The following BBX variants were observed in gnomAD, a reference collection of about 807,000 sequenced individuals.
BBX encodes BBX high mobility group box domain containing, also known as HMG box transcription factor BBX.
Under a neutral mutation model 100.2 loss-of-function variants are expected in BBX, and 30 were observed. The observed-to-expected ratio is 0.30, with a 90% CI of 0.22 to 0.41. The LOEUF is 0.41. Among genes scored for constraint, BBX ranks in the 10% least tolerant of loss-of-function variants. The probability of loss-of-function intolerance (pLI) is 1.00; values close to 1 mark genes in which losing one functional copy is unlikely to be tolerated. For synonymous variants in BBX, 376 were observed against 388.1 expected (o/e 0.97, Z 0.37); for missense variants, 1,023 against 1,129.8 (o/e 0.91, Z 1.35).
chr3:107,591,782 CAGTAA>C (rs2053334441), intron 2 of BBX, among the ~76,000 whole-genome samples: 1 of 152,184 alleles, frequency 6.6e-6, no homozygotes. Context: ...GCTGCCCGGC[CAGTAA>C]ATGTTACATC....
chr3:107,729,037 G>A (rs1446647995), intron 6 of BBX, 77 bp downstream of exon 6: 2 of 1,452,486 alleles, frequency 1.4e-6, no homozygotes, highest in African/African-American at 1.4e-5. Context: ...ACAATACTGA[G>A]GGCGGGGGGA....
At chr3:107,585,206 C>G (rs185038512) in intron 2 of BBX, among the ~76,000 whole-genome samples, 1 of 151,844 alleles carries the variant, frequency 6.6e-6, no homozygotes, top group Admixed American at 6.6e-5. Flanking sequence ...TAGGCCATTG[C>G]GATGATGTGG....
intron 2 of BBX, among the ~76,000 whole-genome samples, chr3:107,571,643 G>A (rs1194714778): frequency 6.6e-6 from 1 of 152,234 alleles, no homozygotes; most frequent in Non-Finnish European, 1.5e-5. Flanking sequence ...TCTCCCCACA[G>A]AGTGAGGGCG....
intron 2 of BBX, among the ~76,000 whole-genome samples, chr3:107,541,666 C>A (rs1019770892): frequency 1.3e-5 from 2 of 151,900 alleles, no homozygotes; most frequent in East Asian, 1.9e-4. Flanking sequence ...GTTAATCCCC[C>A]CCCCATGAGA....
At chr3:107,630,784 G>C (rs1234191338) in intron 2 of BBX, among the ~76,000 whole-genome samples, 1 of 152,176 alleles carries the variant, frequency 6.6e-6, no homozygotes, top group Non-Finnish European at 1.5e-5. Flanking sequence ...GGATTAGCTT[G>C]CCCAGAGAGC....
chr3:107,757,766 A>G (rs1011221714), intron 10 of BBX, among the ~76,000 whole-genome samples: 4 of 152,202 alleles, frequency 2.6e-5, no homozygotes, highest in African/African-American at 9.6e-5. Context: ...TTCACAAAAT[A>G]TAACGTTTAA....
chr3:107,660,142 A>G (rs62262004), intron 3 of BBX, among the ~76,000 whole-genome samples: 19,071 of 152,136 alleles, frequency 0.13, 1,438 homozygotes, highest in Middle Eastern at 0.18. Context: ...TGTGTGTGAT[A>G]TATATAGTAT....
intron 4 of BBX, chr3:107,711,316 TCTCGTCCTTTCCTCTTGC>T (rs1412782807): frequency 2.1e-6 from 1 of 471,054 alleles, no homozygotes; most frequent in African/African-American, 2.0e-5. Flanking sequence ...GCCTTGCCTG[TCTCGTCCTTTCCTCTTGC>T]CTCAGAAATG....
intron 3 of BBX, chr3:107,677,317 A>G (rs536579709): frequency 6.6e-6 from 1 of 152,240 alleles, no homozygotes; most frequent in East Asian, 1.9e-4. Flanking sequence ...TGTGGCAGAG[A>G]TACAGATTAT....
At position 107,744,642 on chromosome 3, in the gene BBX, A is replaced by C. The variant is rs560335528; in HGVS notation, c.682A>C (p.Thr228Pro). 9.6e-5 allele frequency: 155 copies of C among 1,613,046 alleles called. 1 individual carries two copies. The South Asian group carries it at 1.6e-3, about 17-fold the overall frequency. Residue 228 changes from threonine to proline, a missense_variant, in exon 8 of 18, where the codon ACA becomes CCA. Physicochemically the swap from Thr to Pro is conservative, Grantham distance 38. Transcript: ENST00000325805. ...ALGTPEVSSG[T>P]CRPDVSESPE... Reference sequence around the variant, plus strand: ...TTCTTTGTTTCAGGTATCCTCTGGCACATGCAGGCCTGATGTTTCAGAATC... The same window carrying C: ...TTCTTTGTTTCAGGTATCCTCTGGCCCATGCAGGCCTGATGTTTCAGAATC...
At chr3:107,730,217 A>G (rs1450130203) in intron 6 of BBX, among the ~76,000 whole-genome samples, 5 of 152,240 alleles carry the variant, frequency 3.3e-5, no homozygotes, top group Admixed American at 2.6e-4. Flanking sequence ...TCCCAGAAGA[A>G]TCAGACATAG....
intron 2 of BBX, among the ~76,000 whole-genome samples, chr3:107,614,896 T>TA (rs1368921573): frequency 6.6e-6 from 1 of 152,072 alleles, no homozygotes; most frequent in Non-Finnish European, 1.5e-5. Flanking sequence ...AGAAAAATCT[T>TA]ATTATGGCTG....
intron 3 of BBX, among the ~76,000 whole-genome samples, chr3:107,671,989 A>C (rs2059043942): frequency 6.6e-6 from 1 of 152,106 alleles, no homozygotes; most frequent in South Asian, 2.1e-4. Flanking sequence ...CTAAACACCA[A>C]ATTTTAATCG....
intron 2 of BBX, among the ~76,000 whole-genome samples, chr3:107,615,912 G>A (rs577333034): frequency 6.8e-6 from 1 of 147,022 alleles, no homozygotes; most frequent in East Asian, 2.1e-4. Context: ...GCTAGTAAAA[G>A]CTCTATTTGG....
At chr3:107,542,541 A>T (rs1261298879) in intron 2 of BBX, among the ~76,000 whole-genome samples, 1 of 152,252 alleles carries the variant, frequency 6.6e-6, no homozygotes. Flanking sequence ...ATATGAAAAC[A>T]AAAGTCCTAA....
rs373954711 is a variant in BBX, at chr3:107,613,261, A to G, written c.-83-32575A>G. Among the ~76,000 whole-genome samples the G allele has an allele frequency of 2.8e-4, 41 of 148,234 alleles. 1 individual carries two copies. Among genetic ancestry groups the G allele is most frequent in the Admixed American group, 1.8e-3 (27 of 14,758 alleles). On this transcript the variant is annotated intron_variant, in intron 2 of 17. Coordinates refer to ENST00000325805, the MANE Select transcript of BBX (RefSeq NM_001142568.3). ...GGAGTGCAGTGGCGCATCTCGGCTC[A>G]CTACAAGCTCTGCCTCCCGGGTTCA...
rs1304081155 is a variant in BBX at position 107,728,923 on chromosome 3, G to A, written c.564G>A (p.Lys188=). The A allele has an allele frequency of 6.2e-6, 10 of 1,613,552 alleles. No homozygotes were observed. In the African/African-American group the frequency reaches 1.1e-4, roughly 17 times the overall value. Residue 188 remains lysine, a synonymous_variant, in exon 6 of 18, where the codon AAG becomes AAA. Transcript: ENST00000325805. The stretch of plus-strand genomic sequence containing the variant: ...ACTTGCCAAGCCCCAAGAAAGCAAA[G>A]ACTGAAGAAATGCCTCAGCTTAACT... The part of the protein sequence containing the change: ...SRDLPSPKKA[K]TEEMPQLNFG...
At chr3:107,763,627 T>C (rs1218562521) in intron 10 of BBX, among the ~76,000 whole-genome samples, 1 of 152,166 alleles carries the variant, frequency 6.6e-6, no homozygotes, top group Non-Finnish European at 1.5e-5. Flanking sequence ...TATAATCCCT[T>C]TACTACACAT....
intron 2 of BBX, among the ~76,000 whole-genome samples, chr3:107,591,125 T>C (rs1287450546): frequency 2.0e-5 from 3 of 152,226 alleles, no homozygotes; most frequent in Non-Finnish European, 4.4e-5. Context: ...TTAAGTATAG[T>C]ATAATAGATT....
Sources: allele counts gnomAD v4.1 joint callset (sites outside exome capture counted in the v4.1 genomes callset), GRCh38; gene constraint gnomAD v4.1.1; transcripts MANE v1.5; gene names NCBI Gene and HGNC (gene_info 2026-07-23, HGNC 2026-07-21).